Variants in CLNK observed in about 807,000 individuals in gnomAD.
CLNK encodes the protein cytokine dependent hematopoietic cell linker, also known as cytokine-dependent hematopoietic cell linker.
A neutral mutation model predicts 68.6 loss-of-function variants in CLNK; 74 were observed. The ratio of observed to expected loss-of-function variants is 1.08; its 90% CI spans 0.89 to 1.31. CLNK has a LOEUF of 1.31. Ranked by LOEUF, CLNK falls within the 50% of genes most tolerant of loss-of-function variation. The pLI is 0.00. For missense variants in CLNK, 553 were observed against 515.3 expected (o/e 1.07, Z -0.71); for synonymous variants, 198 against 172.2 (o/e 1.15, Z -1.17).
At chr4:10,639,578 C>A (rs116671971) in intron 2 of CLNK, among the ~76,000 whole-genome samples, 5,479 of 152,250 alleles carry the variant, frequency 0.036, 164 homozygotes, top group Non-Finnish European at 0.058. Context: ...CAAATAAGAC[C>A]ATGAATTAGC....
intron 15 of CLNK, among the ~76,000 whole-genome samples, chr4:10,517,021 A>C (rs1717867743): frequency 6.6e-6 from 1 of 152,092 alleles, no homozygotes; most frequent in Non-Finnish European, 1.5e-5. Context: ...ATAAAACTAG[A>C]GCCATTCCTA....
chr4:10,567,831 A>G (rs966136865), intron 5 of CLNK, among the ~76,000 whole-genome samples: 1 of 152,254 alleles, frequency 6.6e-6, no homozygotes, highest in South Asian at 2.1e-4. Flanking sequence ...GATGCTCAAT[A>G]TCATTAGCCA....
At chr4:10,555,592 G>A (rs145490938) in intron 8 of CLNK, among the ~76,000 whole-genome samples, 19 of 152,308 alleles carry the variant, frequency 1.2e-4, no homozygotes, top group Admixed American at 9.8e-4. Flanking sequence ...ACAGTTTACA[G>A]ATAAATGTAA....
chr4:10,710,526 T>C, the CLNK span, among the ~76,000 whole-genome samples: 1 of 152,186 alleles, frequency 6.6e-6, no homozygotes, highest in South Asian at 2.1e-4. Context: ...CCAGACACTG[T>C]GTGGCTAGTT....
intron 13 of CLNK, 124 bp downstream of exon 13, chr4:10,527,952 A>G: frequency 2.2e-6 from 1 of 444,696 alleles, no homozygotes. Context: ...TCGTTCACAC[A>G]CATACATCCC....
Position 10,567,242 on chromosome 4 carries a change from C to T in CLNK, c.151-1092G>A, listed in dbSNP as rs567616147. Among the ~76,000 whole-genome samples, 9 of 151,574 alleles carry T rather than the reference C, an allele frequency of 5.9e-5. No homozygotes were observed. In the South Asian group the frequency reaches 6.2e-4, roughly 10 times the overall value. On this transcript the variant is annotated intron_variant, in intron 5 of 18. Transcript: ENST00000226951. Reference sequence around the variant, plus strand: ...TGGTATTGGTAGTAAGATAGATGTGCGGATAATTGGAATATAATTGAGGGT... The same window carrying T: ...TGGTATTGGTAGTAAGATAGATGTGTGGATAATTGGAATATAATTGAGGGT...
chr4:10,734,271 A>G, the CLNK span, among the ~76,000 whole-genome samples: 6,731 of 152,286 alleles, frequency 0.044, 366 homozygotes, highest in African/African-American at 0.13. Flanking sequence ...TGTTGCATGC[A>G]ATGCTATAAA....
intron 13 of CLNK, among the ~76,000 whole-genome samples, chr4:10,526,992 C>T (rs766121220): frequency 2.0e-5 from 3 of 152,144 alleles, no homozygotes; most frequent in Non-Finnish European, 4.4e-5. Context: ...GTACTCTGCC[C>T]AAGGTTCATC....
chr4:10,535,009 C>T (rs757685053), intron 11 of CLNK, among the ~76,000 whole-genome samples: 92 of 151,970 alleles, frequency 6.1e-4, no homozygotes, highest in Non-Finnish European at 1.1e-3. Context: ...TACATTTTTG[C>T]GACAGAGATT....
In CLNK at chr4:10,576,984, G is replaced by C. The variant is rs10028762; in HGVS notation, c.113-5206C>G. On this transcript the variant is annotated intron_variant, in intron 4 of 18. Coordinates refer to ENST00000226951, the MANE Select transcript of CLNK (RefSeq NM_052964.4). ...CTTTGCAGGGACAGGGTAGCTGGTG[G>C]ACCTTCAAATGCTGTTGCCATGGGA... 3.6e-3 allele frequency among the ~76,000 whole-genome samples: 550 copies of C among 152,306 alleles called. 3 individuals are homozygous for C. Among genetic ancestry groups the C allele is most frequent in the African/African-American group, 0.013 (528 of 41,566 alleles).
At chr4:10,539,462 C>T (rs1420952202) in intron 11 of CLNK, among the ~76,000 whole-genome samples, 1 of 152,138 alleles carries the variant, frequency 6.6e-6, no homozygotes, top group Non-Finnish European at 1.5e-5. Flanking sequence ...AATGCCTGTG[C>T]CCCAAACTGC....
chr4:10,719,366 T>C, the CLNK span, among the ~76,000 whole-genome samples: 1 of 152,046 alleles, frequency 6.6e-6, no homozygotes, highest in Non-Finnish European at 1.5e-5. Flanking sequence ...GTATAAATCT[T>C]TTAATTTTAA....
At chr4:10,585,103 A>G (rs1720922985) in intron 3 of CLNK, 148 bp from the exon 4 acceptor site, 1 of 643,372 alleles carries the variant, frequency 1.6e-6, no homozygotes, top group South Asian at 2.1e-5. Flanking sequence ...ACCTGAAGTC[A>G]CATATTATTC....
the CLNK span, among the ~76,000 whole-genome samples, chr4:10,698,108 A>G: frequency 2.0e-5 from 3 of 152,204 alleles, no homozygotes; most frequent in Non-Finnish European, 4.4e-5. Context: ...GTGAACATCC[A>G]TGAACTATTA....
At chr4:10,688,137 C>A (rs925549348), upstream of CLNK, among the ~76,000 whole-genome samples, 2 of 152,184 alleles carry the variant, frequency 1.3e-5, no homozygotes, top group African/African-American at 4.8e-5. Context: ...TTAGCATTAG[C>A]CCGCTTGGCT....
the CLNK span, among the ~76,000 whole-genome samples, chr4:10,709,129 A>G: frequency 2.3e-3 from 348 of 152,358 alleles, 1 homozygote; most frequent in Middle Eastern, 3.4e-3. Flanking sequence ...GACATGAATC[A>G]GGGATCTTGA....
intron 14 of CLNK, among the ~76,000 whole-genome samples, chr4:10,524,321 A>T (rs1486091725): frequency 6.6e-6 from 1 of 152,194 alleles, no homozygotes; most frequent in Non-Finnish European, 1.5e-5. Context: ...ATGCCCCGAT[A>T]TACAGGGCCT....
chr4:10,608,681 T>G (rs961203356), intron 2 of CLNK, among the ~76,000 whole-genome samples: 7 of 152,220 alleles, frequency 4.6e-5, no homozygotes, highest in African/African-American at 1.7e-4. Context: ...AAAACCCTCA[T>G]GTTATTCTGA....
At chr4:10,540,386 C>T (rs2108808087) in intron 11 of CLNK, 108 bp downstream of exon 11, 2 of 766,464 alleles carry the variant, frequency 2.6e-6, no homozygotes, top group Admixed American at 2.0e-5. Flanking sequence ...ACACTCCCCA[C>T]CCATTAGGGA....
Sources: gnomAD v4.1 joint callset for allele counts (sites outside exome capture counted in the v4.1 genomes callset) on GRCh38, gnomAD v4.1.1 for gene constraint, MANE v1.5 for transcripts, NCBI Gene and HGNC (gene_info 2026-07-23, HGNC 2026-07-21) for gene names.